The following MCM6 variants were observed in gnomAD, a reference collection of about 807,000 sequenced individuals.
The protein encoded by MCM6 is minichromosome maintenance complex component 6, also known as DNA replication licensing factor MCM6.
Under a neutral mutation model 94.3 loss-of-function variants are expected in MCM6, and 46 were observed. That is an observed-to-expected ratio of 0.49 (90% CI 0.39 to 0.62). The LOEUF (loss-of-function observed/expected upper bound fraction) is 0.62, where lower values mean the gene tolerates loss of function less well. MCM6 is among the 20% of genes least tolerant of loss of function. The pLI is 0.00. For synonymous variants in MCM6, 335 were observed against 351.9 expected, an observed-to-expected ratio of 0.95 and a Z score of 0.54; for missense variants, 865 against 1,017.9, an observed-to-expected ratio of 0.85 and a Z score of 2.04.
chr2:135,856,927 A>G (rs753059942), intron 10 of MCM6, 44 bp from the exon 11 acceptor site: 1 of 1,554,020 alleles, frequency 6.4e-7, no homozygotes, highest in Non-Finnish European at 8.8e-7. Flanking sequence ...AATAGACATC[A>G]GCCAATAAAT....
At chr2:135,859,946 G>A (rs1243307838) in intron 8 of MCM6, among the ~76,000 whole-genome samples, 1 of 152,000 alleles carries the variant, frequency 6.6e-6, no homozygotes, top group Non-Finnish European at 1.5e-5. Flanking sequence ...TGGGATTACA[G>A]GTGTGCGCCA....
intron 8 of MCM6, among the ~76,000 whole-genome samples, chr2:135,860,271 T>C (rs1679965868): frequency 1.3e-5 from 2 of 152,074 alleles, no homozygotes; most frequent in Admixed American, 6.6e-5. Context: ...TAGCTGGGAC[T>C]ACAGGCGCTC....
chr2:135,844,453 A>C, intron 16 of MCM6, 92 bp downstream of exon 16: 1 of 1,181,290 alleles, frequency 8.5e-7, no homozygotes. Flanking sequence ...AAACAAACAA[A>C]GGTCAAAAAA....
At chr2:135,873,227 C>A (rs367657031) in intron 1 of MCM6, among the ~76,000 whole-genome samples, 1 of 152,176 alleles carries the variant, frequency 6.6e-6, no homozygotes, top group East Asian at 1.9e-4. Flanking sequence ...CCTTGCCTTC[C>A]ACCATGATTG....
Position 135,846,201 on chromosome 2 carries a change from T to C in MCM6, c.2209+36A>G, listed in dbSNP as rs754467686. ...CCTATGTGAACAGAGCTTACAGAAG[T>C]GACCGAGCATGTAAGCAGTACCAGG... On this transcript the variant is annotated intron_variant, in intron 15 of 16. Transcript: ENST00000264156. 10 of 1,607,430 alleles carry C rather than the reference T, an allele frequency of 6.2e-6. No homozygotes were observed. The East Asian group carries it at 2.0e-4, about 32-fold the overall frequency.
chr2:135,872,807 T>C lies in MCM6; in HGVS notation c.144A>G (p.Gln48=), dbSNP rs144082863. The C allele has an allele frequency of 2.8e-5, 46 of 1,614,174 alleles. No individual in the cohort carries two copies. Among genetic ancestry groups the C allele is most frequent in the Non-Finnish European group, 3.8e-5 (45 of 1,180,032 alleles). Residue 48 remains glutamine (Q), a synonymous_variant, in exon 2 of 17, where the codon CAA becomes CAG. Transcript: ENST00000264156. ...QSSDGEIKYL[Q]LAEELIRPER... Reference sequence around the variant, plus strand: ...CAGGACGAATCAGTTCCTCTGCTAATTGCAAGTATTTAATTTCTCCATCGC... The same window carrying C: ...CAGGACGAATCAGTTCCTCTGCTAACTGCAAGTATTTAATTTCTCCATCGC...
At chr2:135,853,546 C>G (rs1263234377) in intron 11 of MCM6, among the ~76,000 whole-genome samples, 2 of 152,130 alleles carry the variant, frequency 1.3e-5, no homozygotes, top group African/African-American at 4.8e-5. Context: ...CTTATGCAAT[C>G]CTCACAAAAA....
chr2:135,865,278 A>T, intron 6 of MCM6, 115 bp from the exon 7 acceptor site: 6 of 639,708 alleles, frequency 9.4e-6, no homozygotes, highest in Non-Finnish European at 1.4e-5. Flanking sequence ...CTCACAATTT[A>T]TTGACTGTAA....
chr2:135,874,887 C>A (rs368442546), intron 1 of MCM6, among the ~76,000 whole-genome samples: 26 of 152,094 alleles, frequency 1.7e-4, no homozygotes, highest in Non-Finnish European at 3.1e-4. Flanking sequence ...CGCAGAGGAA[C>A]CTTGTAGACA....
rs1679897100 is a variant in MCM6 at position 135,856,643 on chromosome 2, C to CA, written c.1626+84dup. ...AATCAAAGGCTGGTGCACATACATG[C>CA]ACCAGCTGTTGAGCAGTGTATCTTC... On this transcript the variant is annotated intron_variant, in intron 11 of 16. Coordinates refer to ENST00000264156, the MANE Select transcript of MCM6 (RefSeq NM_005915.6). 6 of 1,398,544 alleles carry CA rather than the reference C, an allele frequency of 4.3e-6. No homozygotes were observed. In the Admixed American group the frequency reaches 1.2e-4, roughly 29 times the overall value. 86.6% of individuals were successfully genotyped at this position (1,398,544 alleles called of 1,614,324 possible).
intron 2 of MCM6, 32 bp from the exon 3 acceptor site, chr2:135,870,393 G>A (rs760054221): frequency 4.6e-6 from 7 of 1,509,226 alleles, no homozygotes; most frequent in Non-Finnish European, 5.5e-6. Flanking sequence ...TGATACCTTA[G>A]AGGTTTACCA....
intron 14 of MCM6, among the ~76,000 whole-genome samples, chr2:135,847,656 C>A (rs776991350): frequency 6.6e-6 from 1 of 152,130 alleles, no homozygotes; most frequent in African/African-American, 2.4e-5. Context: ...CTCCGCCTCC[C>A]GGGTTCAAGT....
intron 13 of MCM6, among the ~76,000 whole-genome samples, chr2:135,851,023 A>G (rs749475793): frequency 9.2e-5 from 14 of 152,218 alleles, no homozygotes; most frequent in Admixed American, 8.5e-4. Flanking sequence ...CAATCTAAAA[A>G]TCAAACATTA....
intron 8 of MCM6, among the ~76,000 whole-genome samples, chr2:135,861,619 T>G (rs1386942392): frequency 6.6e-6 from 1 of 152,194 alleles, no homozygotes; most frequent in East Asian, 1.9e-4. Context: ...CTATTTTATT[T>G]TTATTTTTTT....
At chr2:135,864,846 G>A (rs1230921158) in intron 7 of MCM6, among the ~76,000 whole-genome samples, 167 bp downstream of exon 7, 2 of 151,992 alleles carry the variant, frequency 1.3e-5, no homozygotes, top group Non-Finnish European at 2.9e-5. Context: ...CACATTACAG[G>A]TACCTCGTAT....
intron 8 of MCM6, among the ~76,000 whole-genome samples, chr2:135,861,725 G>A (rs1485382499): frequency 3.3e-5 from 5 of 152,126 alleles, no homozygotes; most frequent in African/African-American, 9.7e-5. Context: ...CCATTCTCCT[G>A]CCTCAGCCTC....
rs564808114 is a variant in MCM6, at chr2:135,866,686, T to C, written c.658A>G (p.Ile220Val). The C allele has an allele frequency of 7.1e-5, 114 of 1,613,730 alleles. No individual in the cohort carries two copies. The East Asian group carries it at 2.4e-3, about 34-fold the overall frequency. ...ETQAELPRGS[I>V]PRSLEVILRA... ...AAAATTACTTCTAAACTGCGGGGGA[T>C]ACTCCCTCGAGGAAGCTCAGCTTGG... is the stretch of plus-strand genomic sequence containing the variant. Residue 220 changes from isoleucine (I) to valine (V), a missense_variant, in exon 5 of 17, where the codon ATC becomes GTC. Transcript: ENST00000264156.
At position 135,865,084 on chromosome 2, in the gene MCM6, T is replaced by C; in HGVS notation, c.1007A>G (p.Lys336Arg). The change falls in exon 7 of 17, where the codon AAA (lysine) becomes AGA (arginine). Residue 336 changes from lysine (K) to arginine (R), a missense_variant. This residue lies in a region of MCM6 where 404 missense variants were observed against 451.9 expected (regional missense o/e 0.89). Coordinates refer to ENST00000264156, the MANE Select transcript of MCM6 (RefSeq NM_005915.6). Reference protein sequence around the residue: ...KNQMTVKEWEKVFEMSQDKNL... With the variant: ...KNQMTVKEWERVFEMSQDKNL... ...TTTATCTTGACTCATCTCAAACACTTTCTCCCATTCTTTCACAGTCATTTG... is the reference window on the plus strand; with the variant it reads ...TTTATCTTGACTCATCTCAAACACTCTCTCCCATTCTTTCACAGTCATTTG... The C allele has an allele frequency of 6.3e-7, 1 of 1,584,186 alleles. No homozygotes were observed.
Position 135,845,698 on chromosome 2 carries a change from T to C in MCM6, c.2209+539A>G, listed in dbSNP as rs4988266. 2.5e-4 allele frequency among the ~76,000 whole-genome samples: 38 copies of C among 152,350 alleles called. No homozygotes were observed. In the East Asian group the frequency reaches 3.7e-3, roughly 15 times the overall value. On this transcript the variant is annotated intron_variant, in intron 15 of 16. Transcript: ENST00000264156. ...ATTCATCATTTTTCCTTCTGCTTTG[T>C]AGTTAACTATAGGGTGATAAAACTT...
Sources: gnomAD v4.1 joint callset for allele counts (sites outside exome capture counted in the v4.1 genomes callset) on GRCh38, gnomAD v4.1.1 for gene constraint, gnomAD v4.1.1 regional missense constraint, MANE v1.5 for transcripts, NCBI Gene and HGNC (gene_info 2026-07-23, HGNC 2026-07-21) for gene names.